The following ZC3H14 variants were observed in gnomAD, a reference collection of about 807,000 sequenced individuals.
The protein encoded by ZC3H14 is zinc finger CCCH-type containing 14, also known as zinc finger CCCH domain-containing protein 14.
In ZC3H14, 31 loss-of-function variants were observed where a neutral mutation model predicts 92.4. That is an observed-to-expected ratio of 0.34 (90% CI 0.25 to 0.45). The LOEUF is 0.45. ZC3H14 is among the 20% of genes least tolerant of loss of function. ZC3H14 has a pLI of 1.00. For missense variants in ZC3H14, 781 were observed against 897.3 expected, an observed-to-expected ratio of 0.87 and a Z score of 1.66; for synonymous variants, 321 against 300.9, an observed-to-expected ratio of 1.07 and a Z score of -0.69.
chr14:88,615,639 C>T lies in ZC3H14; in HGVS notation c.*3888C>T. On this transcript the variant is annotated 3_prime_UTR_variant, in exon 17 of 17. Transcript: ENST00000251038. ...GGCAGTGTATGGATTACGGATTATACCCAGTGCATATAGCAAATATTTTGA... is the reference window on the plus strand; with the variant it reads ...GGCAGTGTATGGATTACGGATTATATCCAGTGCATATAGCAAATATTTTGA... 1.7e-6 allele frequency: 1 copy of T among 592,488 alleles called. No homozygotes were observed. Among genetic ancestry groups the T allele is most frequent in the Non-Finnish European group, 2.9e-6 (1 of 340,256 alleles). 36.7% of individuals were successfully genotyped at this position (592,488 alleles called of 1,614,324 possible).
chr14:88,614,639 A>G lies in ZC3H14; in HGVS notation c.*2888A>G, dbSNP rs559264752. ...TATATTTTTAAATAGCAGTCTACATAATTTTCAATCTTCAGGAAACTACAG... is the reference window on the plus strand; with the variant it reads ...TATATTTTTAAATAGCAGTCTACATGATTTTCAATCTTCAGGAAACTACAG... On this transcript the variant is annotated 3_prime_UTR_variant, in exon 17 of 17. Transcript: ENST00000251038. 2 of 152,344 alleles carry G rather than the reference A, an allele frequency of 1.3e-5. No homozygotes were observed. The highest frequency in any genetic ancestry group is 4.1e-4 in the South Asian group (2 of 4,832). 9.4% of individuals were successfully genotyped at this position (152,344 alleles called of 1,614,324 possible). A position where few individuals can be genotyped will look rare whatever the true frequency, so the allele number is the denominator to read the frequency against.
At chr14:88,600,897 A>C (rs1209032946) in intron 10 of ZC3H14, among the ~76,000 whole-genome samples, 2 of 152,132 alleles carry the variant, frequency 1.3e-5, no homozygotes, top group Non-Finnish European at 2.9e-5. Flanking sequence ...AACCTTTCTC[A>C]GATGCCTTCG....
At position 88,572,033 on chromosome 14, in the gene ZC3H14, C is replaced by T. The variant is rs1238151618; in HGVS notation, c.239C>T (p.Pro80Leu). ...AGGACTGTATTTTTCTTTTCAGAAC[C>T]CTCTAGTCTGAAGTCTTCTGATACC... ...LDKLRSVTTE[P>L]SSLKSSDTNI... The change falls in exon 5 of 17, where the codon CCC (proline) becomes CTC (leucine). Residue 80 changes from proline to leucine, a missense_variant. By Grantham distance (98) the Pro-to-Leu change is moderately conservative. Coordinates refer to ENST00000251038, the MANE Select transcript of ZC3H14 (RefSeq NM_024824.5). The T allele has an allele frequency of 6.2e-7, 1 of 1,612,784 alleles. No homozygotes were observed. The highest frequency in any genetic ancestry group is 8.5e-7 in the Non-Finnish European group (1 of 1,179,522).
Position 88,572,629 on chromosome 14 carries a change from T to A in ZC3H14, c.483T>A (p.Pro161=). ...AATRLMSTVK[P]LREPAPSEDV... ...CCCGACTAATGTCAACAGTGAAACC[T>A]TTGAGGGAGCCAGCACCCTCTGAAG... Residue 161 remains proline, a synonymous_variant, in exon 6 of 17, where the codon CCT becomes CCA. Transcript: ENST00000251038. The A allele has an allele frequency of 4.3e-6, 7 of 1,614,200 alleles. No homozygotes were observed. The highest frequency in any genetic ancestry group is 5.9e-6 in the Non-Finnish European group (7 of 1,180,030).
At chr14:88,594,443 T>C in intron 9 of ZC3H14, 4 of 1,245,104 alleles carry the variant, frequency 3.2e-6, no homozygotes, top group Non-Finnish European at 3.0e-6. Context: ...TTAGAGGATG[T>C]AGGGCCCTAC....
chr14:88,570,414 C>G (rs1426117258), intron 3 of ZC3H14, among the ~76,000 whole-genome samples: 3 of 152,166 alleles, frequency 2.0e-5, no homozygotes, highest in Admixed American at 1.3e-4. Flanking sequence ...AGATTACAGC[C>G]TTACAGCATC....
At chr14:88,577,420 T>C (rs1475148344) in intron 8 of ZC3H14, among the ~76,000 whole-genome samples, 1 of 152,184 alleles carries the variant, frequency 6.6e-6, no homozygotes, top group Non-Finnish European at 1.5e-5. Flanking sequence ...TGAATACATA[T>C]GTACTATATT....
At position 88,616,696 on chromosome 14, in the gene ZC3H14, C is replaced by A; in HGVS notation, c.*4945C>A. ...ATAAGACATCAAAATTAGGAGTAAA[C>A]TGATAATAGTAAACAAAACACAAAC... On this transcript the variant is annotated 3_prime_UTR_variant, in exon 17 of 17. Transcript: ENST00000251038. 1 of 1,590,892 alleles carries A rather than the reference C, an allele frequency of 6.3e-7. No homozygotes were observed. Among genetic ancestry groups the A allele is most frequent in the Non-Finnish European group, 8.6e-7 (1 of 1,166,104 alleles).
chr14:88,571,020 T>TTCA (rs1206453185), intron 3 of ZC3H14, 64 bp from the exon 4 acceptor site: 2 of 1,291,364 alleles, frequency 1.5e-6, no homozygotes, highest in African/African-American at 3.0e-5. Flanking sequence ...AAATTTAGAG[T>TTCA]GACAGTTGAA....
At chr14:88,564,212 G>A (rs2079265625) in intron 2 of ZC3H14, among the ~76,000 whole-genome samples, 1 of 152,200 alleles carries the variant, frequency 6.6e-6, no homozygotes, top group South Asian at 2.1e-4. Context: ...TTCTGTAATG[G>A]TTCAGTGAGT....
At chr14:88,605,726 A>G (rs980223150) in intron 12 of ZC3H14, among the ~76,000 whole-genome samples, 3 of 152,218 alleles carry the variant, frequency 2.0e-5, no homozygotes, top group Non-Finnish European at 2.9e-5. Context: ...TGCTGCTCCT[A>G]TCTGGGCTGC....
At position 88,596,780 on chromosome 14, in the gene ZC3H14, A is replaced by T; in HGVS notation, c.1326A>T (p.Val442=). The T allele has an allele frequency of 6.2e-7, 1 of 1,614,102 alleles. No individual in the cohort carries two copies. Among genetic ancestry groups the T allele is most frequent in the East Asian group, 2.2e-5 (1 of 44,868 alleles). Residue 442 remains valine (V), a synonymous_variant, in exon 10 of 17, where the codon GTA becomes GTT. Coordinates refer to ENST00000251038, the MANE Select transcript of ZC3H14 (RefSeq NM_024824.5). ...QLLSRLQIDP[V]MAETLQMSQD... ...TATCCCGACTGCAAATCGACCCAGTAATGGCAGAAACTCTGCAGATGAGTC... is the reference window on the plus strand; with the variant it reads ...TATCCCGACTGCAAATCGACCCAGTTATGGCAGAAACTCTGCAGATGAGTC...
chr14:88,596,652 C>T lies in ZC3H14; in HGVS notation c.1280-82C>T, dbSNP rs2083861019. On this transcript the variant is annotated intron_variant, in intron 9 of 16. Transcript: ENST00000251038. ...ACTTTTAAGACTTCAAGTTAAGAAC[C>T]CAGAAGGATTGATTTTTGGGAACCA... 3 of 1,196,400 alleles carry T rather than the reference C, an allele frequency of 2.5e-6. No individual in the cohort carries two copies. The East Asian group carries it at 7.0e-5, about 28-fold the overall frequency. 74.1% of individuals were successfully genotyped at this position (1,196,400 alleles called of 1,614,324 possible).
intron 9 of ZC3H14, among the ~76,000 whole-genome samples, chr14:88,586,104 G>A (rs922038652): frequency 6.6e-6 from 1 of 152,196 alleles, no homozygotes; most frequent in Non-Finnish European, 1.5e-5. Flanking sequence ...GGAGGCAGAG[G>A]TTGCAGTGGG....
intron 10 of ZC3H14, among the ~76,000 whole-genome samples, chr14:88,601,130 G>T (rs928442455): frequency 6.6e-6 from 1 of 152,018 alleles, no homozygotes; most frequent in African/African-American, 2.4e-5. Context: ...TTCTGAAATT[G>T]TATATGTGTC....
At chr14:88,563,231 G>T (rs2079096800) in intron 1 of ZC3H14, 62 bp downstream of exon 1, 2 of 1,569,988 alleles carry the variant, frequency 1.3e-6, no homozygotes, top group Middle Eastern at 1.7e-4. Context: ...GTTGTCAGGA[G>T]TAACGGGGAC....
chr14:88,611,841 A>C lies in ZC3H14; in HGVS notation c.*90A>C. 1 of 1,546,420 alleles carries C rather than the reference A, an allele frequency of 6.5e-7. No homozygotes were observed. Among genetic ancestry groups the C allele is most frequent in the Non-Finnish European group, 8.9e-7 (1 of 1,123,982 alleles). On this transcript the variant is annotated 3_prime_UTR_variant, in exon 17 of 17. Coordinates refer to ENST00000251038, the MANE Select transcript of ZC3H14 (RefSeq NM_024824.5). ...TCTACAGAACTTGTCAAATCTTTGA[A>C]ACTTGGAATATATTGCTTTCATAAT...
chr14:88,567,978 T>C (rs1249642348), intron 2 of ZC3H14, 61 bp from the exon 3 acceptor site: 1 of 1,365,416 alleles, frequency 7.3e-7, no homozygotes, highest in Non-Finnish European at 1.0e-6. Flanking sequence ...TTCAAGCACA[T>C]CAACTTTAAG....
Position 88,618,607 on chromosome 14 carries a change from G to A in ZC3H14, c.*6856G>A, listed in dbSNP as rs760102782. On this transcript the variant is annotated 3_prime_UTR_variant, in exon 17 of 17. Transcript: ENST00000251038. ...GCATTCACTAACACGAAATGTAAAA[G>A]CAGAAGAACTTGCCACCTGGGTATA... 4 of 1,572,022 alleles carry A rather than the reference G, an allele frequency of 2.5e-6. No individual in the cohort carries two copies. Among genetic ancestry groups the A allele is most frequent in the Non-Finnish European group, 3.4e-6 (4 of 1,160,496 alleles).
Sources: gnomAD v4.1 joint callset for allele counts (sites outside exome capture counted in the v4.1 genomes callset) on GRCh38, gnomAD v4.1.1 for gene constraint, MANE v1.5 for transcripts, NCBI Gene and HGNC (gene_info 2026-07-23, HGNC 2026-07-21) for gene names.